Variants in BACH2 observed in about 807,000 individuals in gnomAD.
BACH2 encodes the protein BACH transcriptional regulator 2.
BACH2 carries 5 observed loss-of-function variants against 61.8 expected under a neutral mutation model. The ratio of observed to expected loss-of-function variants is 0.08; its 90% confidence interval spans 0.04 to 0.17. The LOEUF (loss-of-function observed/expected upper bound fraction) is 0.17, where lower values mean the gene tolerates loss of function less well. BACH2 is among the 10% of genes least tolerant of loss of function. BACH2 has a pLI of 1.00. For missense variants in BACH2, 824 were observed against 1,091.1 expected, an observed-to-expected ratio of 0.76 and a Z score of 3.45; for synonymous variants, 446 against 440.1, an observed-to-expected ratio of 1.01 and a Z score of -0.17.
chr6:90,178,152 C>T (rs1337531409), intron 4 of BACH2, among the ~76,000 whole-genome samples: 1 of 152,128 alleles, frequency 6.6e-6, no homozygotes, highest in Non-Finnish European at 1.5e-5. Flanking sequence ...ACCGAACCTC[C>T]GCCCTCCTTC....
chr6:89,931,621 A>AC lies in BACH2; in HGVS notation c.*786dup, dbSNP rs1562301009. On this transcript the variant is annotated 3_prime_UTR_variant, in exon 9 of 9. Transcript: ENST00000257749. ...AAAAACAAAAACAAAAACAAACAAA[A>AC]CCCCCCAAACAAACAAAAAACAAAC... The AC allele has an allele frequency of 6.6e-6, 1 of 152,386 alleles. No homozygotes were observed. Among genetic ancestry groups the AC allele is most frequent in the African/African-American group, 2.4e-5 (1 of 41,358 alleles). 9.4% of individuals were successfully genotyped at this position (152,386 alleles called of 1,614,324 possible). A position where few individuals can be genotyped will look rare whatever the true frequency, so the allele number is the denominator to read the frequency against.
chr6:90,040,811 T>C (rs146419562), intron 5 of BACH2, among the ~76,000 whole-genome samples: 3,570 of 152,052 alleles, frequency 0.023, 57 homozygotes, highest in Non-Finnish European at 0.034. Context: ...ATATATTTTA[T>C]TTGAACTTTT....
At position 89,999,529 on chromosome 6, in the gene BACH2, A is replaced by C. The variant is rs16882344; in HGVS notation, c.243+9073T>G. 8.7e-3 allele frequency among the ~76,000 whole-genome samples: 1,324 copies of C among 151,780 alleles called. 23 individuals carry two copies. The highest frequency in any genetic ancestry group is 0.054 in the East Asian group (280 of 5,168). On this transcript the variant is annotated intron_variant, in intron 6 of 8. Transcript: ENST00000257749. ...ATTTTGAAAAACTCTCACAAGTGCT[A>C]TTTAAATTCTTATCATAAATTAAAA...
intron 5 of BACH2, among the ~76,000 whole-genome samples, chr6:90,032,681 G>T (rs1441092711): frequency 1.3e-5 from 2 of 152,120 alleles, no homozygotes; most frequent in African/African-American, 4.8e-5. Flanking sequence ...TGGTTAGAAT[G>T]GCCATCATTA....
Position 89,957,752 on chromosome 6 carries a change from G to C in BACH2, c.244-5890C>G, listed in dbSNP as rs147320222. On this transcript the variant is annotated intron_variant, in intron 6 of 8. Transcript: ENST00000257749. The stretch of plus-strand genomic sequence containing the variant: ...GACGGGGTTTCACTATGTTGCCCAG[G>C]TGGTCTCAAACTCCTGGACTCAAGC... 2.8e-3 allele frequency among the ~76,000 whole-genome samples: 420 copies of C among 152,182 alleles called. 1 individual carries two copies. The highest frequency in any genetic ancestry group is 4.3e-3 in the Non-Finnish European group (292 of 67,990).
At chr6:90,032,623 C>A (rs1353000056) in intron 5 of BACH2, among the ~76,000 whole-genome samples, 1 of 151,754 alleles carries the variant, frequency 6.6e-6, no homozygotes, top group Non-Finnish European at 1.5e-5. Flanking sequence ...TCATCACTGG[C>A]CATCAGAGAA....
chr6:90,171,275 T>TG (rs1385953198), intron 4 of BACH2, among the ~76,000 whole-genome samples: 1 of 151,900 alleles, frequency 6.6e-6, no homozygotes, highest in Non-Finnish European at 1.5e-5. Context: ...TAGCCAGGTG[T>TG]GGTAGTGTGC....
At chr6:90,149,002 C>T (rs1784719318) in intron 4 of BACH2, among the ~76,000 whole-genome samples, 1 of 152,050 alleles carries the variant, frequency 6.6e-6, no homozygotes, top group Non-Finnish European at 1.5e-5. Flanking sequence ...AGGTTCTGAC[C>T]TCAGAAAAGC....
intron 5 of BACH2, among the ~76,000 whole-genome samples, chr6:90,030,530 C>T (rs947964896): frequency 8.5e-5 from 13 of 152,070 alleles, no homozygotes; most frequent in South Asian, 2.1e-4. Context: ...ATATCACCAC[C>T]GATGCCACAG....
chr6:89,994,570 GA>G (rs1303768437), intron 6 of BACH2, among the ~76,000 whole-genome samples: 4 of 152,152 alleles, frequency 2.6e-5, no homozygotes, highest in Non-Finnish European at 5.9e-5. Context: ...GAAGAATGAA[GA>G]GCCCCGAGTT....
intron 1 of BACH2, among the ~76,000 whole-genome samples, chr6:90,279,442 G>C (rs2127885711): frequency 6.7e-6 from 1 of 149,296 alleles, no homozygotes; most frequent in South Asian, 2.1e-4. Flanking sequence ...AGAGTCGCTT[G>C]AACCCAGGAG....
intron 4 of BACH2, among the ~76,000 whole-genome samples, chr6:90,103,931 T>C (rs980360010): frequency 5.3e-5 from 8 of 152,300 alleles, no homozygotes; most frequent in African/African-American, 1.9e-4. Flanking sequence ...GAAACAGGCA[T>C]GAATTATTGT....
chr6:90,248,970 A>G (rs892018730), intron 3 of BACH2, among the ~76,000 whole-genome samples: 3 of 152,228 alleles, frequency 2.0e-5, no homozygotes, highest in African/African-American at 7.2e-5. Flanking sequence ...AAATTTGGGA[A>G]GGTTTTATAC....
intron 4 of BACH2, among the ~76,000 whole-genome samples, chr6:90,171,020 G>A (rs1767794128): frequency 1.3e-5 from 2 of 150,392 alleles, no homozygotes; most frequent in African/African-American, 4.9e-5. Flanking sequence ...AATCCTCAGT[G>A]GGTAAATTAA....
chr6:89,975,208 A>G (rs1775584833), intron 6 of BACH2, among the ~76,000 whole-genome samples: 1 of 152,158 alleles, frequency 6.6e-6, no homozygotes, highest in Non-Finnish European at 1.5e-5. Context: ...TTTTTCTTTT[A>G]TTTTCCAAGG....
chr6:89,959,906 A>G (rs1199547920), intron 6 of BACH2, among the ~76,000 whole-genome samples: 1 of 152,110 alleles, frequency 6.6e-6, no homozygotes, highest in Non-Finnish European at 1.5e-5. Context: ...TGAGCTCAGA[A>G]GGTGGGAGGC....
intron 8 of BACH2, among the ~76,000 whole-genome samples, chr6:89,935,692 GA>G (rs1772981919): frequency 6.6e-6 from 1 of 152,246 alleles, no homozygotes; most frequent in African/African-American, 2.4e-5. Flanking sequence ...AAGCGCTTTA[GA>G]TATCTGCCTG....
At chr6:90,168,093 G>T (rs1196853632) in intron 4 of BACH2, among the ~76,000 whole-genome samples, 1 of 152,178 alleles carries the variant, frequency 6.6e-6, no homozygotes, top group Non-Finnish European at 1.5e-5. Flanking sequence ...GTGCAGTGCT[G>T]CACGCCTGTA....
intron 4 of BACH2, among the ~76,000 whole-genome samples, chr6:90,187,652 T>C (rs975099205): frequency 6.6e-6 from 1 of 152,232 alleles, no homozygotes; most frequent in Non-Finnish European, 1.5e-5. Flanking sequence ...GGCTGACAGA[T>C]TAACTGAAAT....
Sources: gnomAD v4.1 joint callset for allele counts (sites outside exome capture counted in the v4.1 genomes callset) on GRCh38, gnomAD v4.1.1 for gene constraint, MANE v1.5 for transcripts, NCBI Gene and HGNC (gene_info 2026-07-23, HGNC 2026-07-21) for gene names.